Variants in TTC39B observed in about 807,000 individuals in gnomAD.
TTC39B encodes tetratricopeptide repeat domain 39B.
Under a neutral mutation model 96.6 loss-of-function variants are expected in TTC39B, and 92 were observed. The ratio of observed to expected loss-of-function variants is 0.95; its 90% CI spans 0.80 to 1.13. TTC39B has a LOEUF of 1.13. TTC39B is among the 50% of genes most tolerant of loss of function. The pLI, the probability that TTC39B is intolerant of heterozygous loss-of-function variation, is 0.00. For synonymous variants in TTC39B, 367 were observed against 299.4 expected (o/e 1.23, Z -2.33); for missense variants, 955 against 809.3 (o/e 1.18, Z -2.18).
chr9:15,227,893 G>C (rs1351336221), intron 2 of TTC39B, among the ~76,000 whole-genome samples: 1 of 151,868 alleles, frequency 6.6e-6, no homozygotes, highest in African/African-American at 2.4e-5. Context: ...TCCTGATTTT[G>C]AGGGCATACT....
At chr9:15,246,011 T>C (rs1217218104) in intron 2 of TTC39B, among the ~76,000 whole-genome samples, 1 of 152,080 alleles carries the variant, frequency 6.6e-6, no homozygotes, top group Non-Finnish European at 1.5e-5. Flanking sequence ...CCTAGCACTT[T>C]GGGAGGCCCA....
chr9:15,214,834 T>A (rs1186883777), intron 3 of TTC39B, among the ~76,000 whole-genome samples: 1 of 152,254 alleles, frequency 6.6e-6, no homozygotes, highest in Non-Finnish European at 1.5e-5. Flanking sequence ...AAATTATATA[T>A]TAATCACTTA....
rs148413427 is a variant in TTC39B, at chr9:15,175,078, T to C, written c.1899A>G (p.Ala633=). The change falls in exon 19 of 20, where the codon GCA becomes GCG. Residue 633 remains alanine (A), a synonymous_variant. Transcript: ENST00000512701. Reference sequence around the variant, plus strand: ...TTTCCCCCTGGCTTTTATACAAAGATGCCAATTCAAATAGAGTGAACGGCA... The same window carrying C: ...TTTCCCCCTGGCTTTTATACAAAGACGCCAATTCAAATAGAGTGAACGGCA... The C allele has an allele frequency of 9.8e-4, 1,586 of 1,613,766 alleles. 14 individuals carry two copies. The African/African-American group carries it at 0.019, about 19-fold the overall frequency.
At chr9:15,298,560 C>G (rs1824464525) in intron 1 of TTC39B, among the ~76,000 whole-genome samples, 1 of 152,178 alleles carries the variant, frequency 6.6e-6, no homozygotes, top group South Asian at 2.1e-4. Flanking sequence ...ACATCAGATC[C>G]CATGAGACTT....
At position 15,211,041 on chromosome 9, in the gene TTC39B, C is replaced by T. The variant is rs992912449; in HGVS notation, c.614+225G>A. Among the ~76,000 whole-genome samples the T allele has an allele frequency of 4.1e-4, 62 of 151,632 alleles. 1 individual carries two copies. The highest frequency in any genetic ancestry group is 7.4e-5 in the Non-Finnish European group (5 of 67,964). ...GCTGCTAATCCCACTGAAATCCCCC[C>T]GAAATCCCCCCCAGATCTCTGTAGC... On this transcript the variant is annotated intron_variant, in intron 5 of 19. Transcript: ENST00000512701.
chr9:15,190,662 C>G, exon 11 of TTC39B: 1 of 1,612,142 alleles, frequency 6.2e-7, no homozygotes, highest in Non-Finnish European at 8.5e-7. Flanking sequence ...AGGCCCAACT[C>G]CTATGGGAAT....
Position 15,240,941 on chromosome 9 carries a change from C to G in TTC39B, c.276-14929G>C, listed in dbSNP as rs573853470. Among the ~76,000 whole-genome samples, 7 of 152,302 alleles carry G rather than the reference C, an allele frequency of 4.6e-5. No individual in the cohort carries two copies. The South Asian group carries it at 1.5e-3, about 32-fold the overall frequency. On this transcript the variant is annotated intron_variant, in intron 2 of 19. Coordinates refer to ENST00000512701, the Ensembl canonical transcript of TTC39B. Reference sequence around the variant, plus strand: ...AAACTTATTACTTTATGCATATTTACCATCTCAATCTGGTCCTTCATGCAT... The same window carrying G: ...AAACTTATTACTTTATGCATATTTAGCATCTCAATCTGGTCCTTCATGCAT...
intron 1 of TTC39B, among the ~76,000 whole-genome samples, chr9:15,288,446 T>C (rs746863078): frequency 1.3e-4 from 20 of 152,156 alleles, no homozygotes; most frequent in Non-Finnish European, 2.4e-4. Context: ...AGTATCTGAA[T>C]GTCGTCGAGA....
intron 11 of TTC39B, 119 bp downstream of exon 11, chr9:15,190,435 T>G (rs1285223940): frequency 2.2e-5 from 18 of 806,194 alleles, no homozygotes; most frequent in Non-Finnish European, 3.0e-5. Flanking sequence ...AGCCTCAAAC[T>G]CCTGGGTTCA....
chr9:15,285,524 A>G (rs951249426), intron 1 of TTC39B, among the ~76,000 whole-genome samples: 15 of 152,174 alleles, frequency 9.9e-5, no homozygotes, highest in Non-Finnish European at 1.9e-4. Flanking sequence ...GTATACGCCT[A>G]TTATGTACCC....
chr9:15,249,670 T>C, intron 2 of TTC39B: 1 of 174,930 alleles, frequency 5.7e-6, no homozygotes, highest in Non-Finnish European at 1.2e-5. Flanking sequence ...CACTATTTTC[T>C]TCAATTTCAG....
chr9:15,249,957 T>A, intron 2 of TTC39B: 1 of 1,288,086 alleles, frequency 7.8e-7, no homozygotes, highest in South Asian at 1.2e-5. Context: ...ATGAATATAG[T>A]CCCACTATGA....
exon 20 of TTC39B, chr9:15,166,774 C>T (rs1436717355): frequency 6.6e-6 from 1 of 151,154 alleles, no homozygotes; most frequent in East Asian, 2.0e-4. Context: ...TCCTGCATTT[C>T]TTTGGAAAGA....
At chr9:15,289,672 T>G (rs560801418) in intron 1 of TTC39B, among the ~76,000 whole-genome samples, 3 of 152,340 alleles carry the variant, frequency 2.0e-5, no homozygotes, top group Admixed American at 2.0e-4. Flanking sequence ...GGAAAGAGGC[T>G]GATTTTTTTT....
At chr9:15,198,099 TAAAGAG>T (rs1819280497) in intron 8 of TTC39B, among the ~76,000 whole-genome samples, 1 of 152,028 alleles carries the variant, frequency 6.6e-6, no homozygotes. Flanking sequence ...TATAACTGAT[TAAAGAG>T]AAAGTCTGAC....
chr9:15,247,501 C>T (rs1185798821), intron 2 of TTC39B, among the ~76,000 whole-genome samples: 2 of 152,136 alleles, frequency 1.3e-5, no homozygotes, highest in Non-Finnish European at 2.9e-5. Flanking sequence ...CAACTCTGAA[C>T]ATGGCGGCCC....
rs555535115 is a variant in TTC39B at position 15,295,509 on chromosome 9, T to G, written c.240+11575A>C. ...TCGGGCCAATCACTTCCCTTCTGCT[T>G]CTTCTGTAGAATTCTCTTTTCAATT... On this transcript the variant is annotated intron_variant, in intron 1 of 19. Coordinates refer to ENST00000512701, the Ensembl canonical transcript of TTC39B. Among the ~76,000 whole-genome samples, 540 of 152,324 alleles carry G rather than the reference T, an allele frequency of 3.5e-3. 2 individuals are homozygous for G. Among genetic ancestry groups the G allele is most frequent in the Non-Finnish European group, 6.6e-3 (452 of 68,012 alleles).
intron 2 of TTC39B, among the ~76,000 whole-genome samples, chr9:15,257,125 C>T (rs1822779968): frequency 6.6e-6 from 1 of 152,096 alleles, no homozygotes; most frequent in African/African-American, 2.4e-5. Context: ...AAAAAGCGAC[C>T]TTTGCAAGCT....
At position 15,185,417 on chromosome 9, in the gene TTC39B, C is replaced by CCCCAG; in HGVS notation, c.1488-16_1488-12dup. On this transcript the variant is annotated splice_polypyrimidine_tract_variant and intron_variant, in intron 15 of 19. Coordinates refer to ENST00000512701, the Ensembl canonical transcript of TTC39B. ...AAGCTGTCCACCTGTCTGTGAAGAA[C>CCCCAG]CCCAGCCCAGCCCCAGAGAAAGGTC... is the stretch of plus-strand genomic sequence containing the variant. 1 of 1,613,304 alleles carries CCCCAG rather than the reference C, an allele frequency of 6.2e-7. No homozygotes were observed. The highest frequency in any genetic ancestry group is 8.5e-7 in the Non-Finnish European group (1 of 1,179,488).
Sources: allele counts gnomAD v4.1 joint callset (sites outside exome capture counted in the v4.1 genomes callset), GRCh38; gene constraint gnomAD v4.1.1; transcripts MANE v1.5; gene names NCBI Gene and HGNC (gene_info 2026-07-23, HGNC 2026-07-21).